STXBP6: variants seen among roughly 807,000 people sequenced by gnomAD.
STXBP6 encodes syntaxin binding protein 6.
Under a neutral mutation model 26.9 loss-of-function variants are expected in STXBP6, and 21 were observed. That is an observed-to-expected ratio of 0.78 (90% CI 0.55 to 1.12). STXBP6 has a LOEUF of 1.12. Among genes scored for constraint, STXBP6 ranks in the 50% most tolerant of loss-of-function variants. STXBP6 has a pLI of 0.00. For missense variants in STXBP6, 232 were observed against 257.9 expected (o/e 0.90, Z 0.69); for synonymous variants, 97 against 92.6 (o/e 1.05, Z -0.27).
chr14:24,900,839 T>G (rs1438574084), intron 2 of STXBP6, among the ~76,000 whole-genome samples: 1 of 152,200 alleles, frequency 6.6e-6, no homozygotes, highest in Non-Finnish European at 1.5e-5. Flanking sequence ...TGTCTGTCTT[T>G]TCTAAAGGAA....
intron 2 of STXBP6, among the ~76,000 whole-genome samples, chr14:24,948,925 C>T (rs2332459): frequency 1.3e-5 from 2 of 152,004 alleles, no homozygotes; most frequent in African/African-American, 4.8e-5. Flanking sequence ...ATAGGGAATA[C>T]GATCTAGGAG....
At chr14:24,997,042 G>A (rs72682968) in intron 1 of STXBP6, among the ~76,000 whole-genome samples, 8 of 152,076 alleles carry the variant, frequency 5.3e-5, no homozygotes, top group African/African-American at 1.5e-4. Flanking sequence ...CACTAATCTA[G>A]TTCAACCTCT....
chr14:24,878,223 T>C (rs2070219426), intron 2 of STXBP6, among the ~76,000 whole-genome samples: 1 of 152,120 alleles, frequency 6.6e-6, no homozygotes, highest in Non-Finnish European at 1.5e-5. Context: ...GTTATGCTTT[T>C]TTTAAAAAAT....
rs375348347 is a variant in STXBP6, at chr14:25,005,583, C to A, written c.-32-30733G>T. ...ATCTCTTTATTTGCTGAGAAAGTTG[C>A]AACATTTTCACGTGCACACAGAATG... On this transcript the variant is annotated intron_variant, in intron 1 of 5. Coordinates refer to ENST00000323944, the MANE Select transcript of STXBP6 (RefSeq NM_001394410.1). 4.5e-4 allele frequency among the ~76,000 whole-genome samples: 68 copies of A among 152,250 alleles called. 1 individual carries two copies. Among genetic ancestry groups the A allele is most frequent in the East Asian group, 3.3e-3 (17 of 5,182 alleles).
chr14:25,038,692 G>A (rs956889973), intron 1 of STXBP6, among the ~76,000 whole-genome samples: 4 of 151,960 alleles, frequency 2.6e-5, no homozygotes, highest in African/African-American at 9.7e-5. Context: ...GAGAAGAGCA[G>A]AAAAAATAAC....
intron 2 of STXBP6, among the ~76,000 whole-genome samples, chr14:24,945,055 A>G (rs2072933995): frequency 6.6e-6 from 1 of 151,314 alleles, no homozygotes. Flanking sequence ...GATGTCTTGA[A>G]AGCTTTTGTG....
chr14:24,895,468 A>C (rs1241592), intron 2 of STXBP6, among the ~76,000 whole-genome samples: 51,326 of 152,054 alleles, frequency 0.34, 8,778 homozygotes, highest in African/African-American at 0.41. Flanking sequence ...AGGAGTCGCA[A>C]TAACTTTCTC....
chr14:24,884,775 T>A (rs200634576), intron 2 of STXBP6, among the ~76,000 whole-genome samples: 1 of 128,238 alleles, frequency 7.8e-6, no homozygotes, highest in East Asian at 2.3e-4. Flanking sequence ...TAATTTATTA[T>A]TTATGAATCC....
At chr14:24,835,341 T>C (rs75310309) in intron 4 of STXBP6, among the ~76,000 whole-genome samples, 4,609 of 106,426 alleles carry the variant, frequency 0.043, 202 homozygotes, top group East Asian at 0.27. Context: ...TGCACCATAA[T>C]TGAGTGTTTT....
At chr14:25,025,499 A>G (rs1241322247) in intron 1 of STXBP6, among the ~76,000 whole-genome samples, 3 of 152,204 alleles carry the variant, frequency 2.0e-5, no homozygotes, top group Non-Finnish European at 2.9e-5. Flanking sequence ...AAGTGTTCTT[A>G]TAACTGAGCA....
rs533526234 is a variant in STXBP6, at chr14:24,883,273, CTCTT to C, written c.155-26120_155-26117del. ...AGCATGTTTTTTTTTAAAAAATACACTCTTTATTTTAGAATAGGTTTAGATTTAC... is the reference window on the plus strand; with the variant it reads ...AGCATGTTTTTTTTTAAAAAATACACTATTTTAGAATAGGTTTAGATTTAC... On this transcript the variant is annotated intron_variant, in intron 2 of 5. Transcript: ENST00000323944. 4.4e-3 allele frequency among the ~76,000 whole-genome samples: 675 copies of C among 152,066 alleles called. 2 individuals are homozygous for C. Among genetic ancestry groups the C allele is most frequent in the African/African-American group, 0.015 (641 of 41,490 alleles).
chr14:24,935,832 T>C (rs1459385087), intron 2 of STXBP6, among the ~76,000 whole-genome samples: 3 of 152,204 alleles, frequency 2.0e-5, no homozygotes, highest in Non-Finnish European at 4.4e-5. Context: ...GCACTGCTCT[T>C]GGAAATAATC....
rs988283936 is a variant in STXBP6, at chr14:25,022,984, A to T, written c.-33+26894T>A. On this transcript the variant is annotated intron_variant, in intron 1 of 5. Coordinates refer to ENST00000323944, the MANE Select transcript of STXBP6 (RefSeq NM_001394410.1). Reference sequence around the variant, plus strand: ...AAGATGGGGTAAGGGGATACTTGTTACTTTAGCATTAGCAGCCATAAAACA... The same window carrying T: ...AAGATGGGGTAAGGGGATACTTGTTTCTTTAGCATTAGCAGCCATAAAACA... Among the ~76,000 whole-genome samples, 5 of 152,326 alleles carry T rather than the reference A, an allele frequency of 3.3e-5. No homozygotes were observed. In the East Asian group the frequency reaches 9.6e-4, roughly 29 times the overall value.
chr14:24,892,189 A>C (rs1241614), intron 2 of STXBP6, among the ~76,000 whole-genome samples: 100,193 of 151,232 alleles, frequency 0.66, 33,258 homozygotes, highest in East Asian at 0.77. Context: ...ATACAAAGGT[A>C]ATGTATACAT....
At chr14:25,005,146 C>T (rs1483257621) in intron 1 of STXBP6, among the ~76,000 whole-genome samples, 1 of 152,098 alleles carries the variant, frequency 6.6e-6, no homozygotes, top group African/African-American at 2.4e-5. Flanking sequence ...CATTAAAAGA[C>T]ATTTATTTAC....
At chr14:24,834,161 A>AT (rs1566392663) in intron 4 of STXBP6, among the ~76,000 whole-genome samples, 1 of 152,102 alleles carries the variant, frequency 6.6e-6, no homozygotes, top group Non-Finnish European at 1.5e-5. Flanking sequence ...TAACCGGCTA[A>AT]TTTTTTAATT....
chr14:24,998,805 C>T (rs2074674013), intron 1 of STXBP6, among the ~76,000 whole-genome samples: 1 of 152,098 alleles, frequency 6.6e-6, no homozygotes, highest in Admixed American at 6.5e-5. Context: ...TTTTACCATA[C>T]ATAAAAACTT....
At chr14:24,953,603 C>T (rs79788593) in intron 2 of STXBP6, among the ~76,000 whole-genome samples, 3,474 of 152,272 alleles carry the variant, frequency 0.023, 135 homozygotes, top group African/African-American at 0.079. Flanking sequence ...ACTGAAAACA[C>T]CAAGTTCTTT....
intron 1 of STXBP6, among the ~76,000 whole-genome samples, chr14:25,006,884 G>A (rs1310231511): frequency 6.7e-6 from 1 of 149,888 alleles, no homozygotes; most frequent in Middle Eastern, 3.3e-3. Context: ...TACTTCAAAG[G>A]CATTTAACAT....
Sources: gnomAD v4.1 joint callset for allele counts (sites outside exome capture counted in the v4.1 genomes callset) on GRCh38, gnomAD v4.1.1 for gene constraint, MANE v1.5 for transcripts, NCBI Gene and HGNC (gene_info 2026-07-23, HGNC 2026-07-21) for gene names.